TMPRSS7: variants seen among roughly 807,000 people sequenced by gnomAD.
The protein encoded by TMPRSS7 is transmembrane serine protease 7.
Under a neutral mutation model 95.6 loss-of-function variants are expected in TMPRSS7, and 81 were observed. The observed-to-expected ratio is 0.85, with a 90% CI of 0.71 to 1.02. TMPRSS7 has a LOEUF of 1.02. Ranked by LOEUF, TMPRSS7 falls within the 50% of genes least tolerant of loss-of-function variation. The pLI is 0.00. For missense variants in TMPRSS7, 945 were observed against 955.2 expected (o/e 0.99, Z 0.14); for synonymous variants, 364 against 337.8 (o/e 1.08, Z -0.85).
intron 9 of TMPRSS7, among the ~76,000 whole-genome samples, chr3:112,051,720 C>T (rs2073361743): frequency 1.4e-5 from 2 of 146,806 alleles, no homozygotes; most frequent in South Asian, 4.3e-4. Flanking sequence ...ATCTATCTCT[C>T]CCTCTGGTGC....
rs1475842653 is a variant in TMPRSS7, at chr3:112,043,166, G to A, written c.430-1089G>A. ...CATCATAGAGTGTGTGTACACATAC[G>A]TAGCTGGAATGGCCTACTACACACC... On this transcript the variant is annotated intron_variant, in intron 3 of 17. Coordinates refer to ENST00000452346, the Ensembl canonical transcript of TMPRSS7. 7 of 451,158 alleles carry A rather than the reference G, an allele frequency of 1.6e-5. No homozygotes were observed. In the East Asian group the frequency reaches 2.1e-4, roughly 13 times the overall value. 27.9% of individuals were successfully genotyped at this position (451,158 alleles called of 1,614,324 possible). A position where few individuals can be genotyped will look rare whatever the true frequency, so the allele number is the denominator to read the frequency against.
chr3:112,070,268 A>G (rs1391256803), intron 13 of TMPRSS7, among the ~76,000 whole-genome samples: 1 of 152,122 alleles, frequency 6.6e-6, no homozygotes, highest in Non-Finnish European at 1.5e-5. Flanking sequence ...TCAATTTTAG[A>G]TAAGTGTGAT....
chr3:112,075,053 G>C (rs2073694890), intron 14 of TMPRSS7, among the ~76,000 whole-genome samples: 1 of 152,194 alleles, frequency 6.6e-6, no homozygotes, highest in Admixed American at 6.5e-5. Flanking sequence ...ATAGGCAGCT[G>C]TTTGTGTCAG....
At chr3:112,072,380 T>G (rs757324527) in intron 13 of TMPRSS7, among the ~76,000 whole-genome samples, 1 of 152,242 alleles carries the variant, frequency 6.6e-6, no homozygotes, top group Non-Finnish European at 1.5e-5. Context: ...AGGTGTCTCT[T>G]GGCCCCTACT....
chr3:112,053,049 GTCC>G, intron 9 of TMPRSS7, among the ~76,000 whole-genome samples: 1 of 152,240 alleles, frequency 6.6e-6, no homozygotes, highest in Non-Finnish European at 1.5e-5. Context: ...GAGGAAGTTT[GTCC>G]TCCTCAGTGT....
chr3:112,037,329 A>T (rs1308204304), intron 1 of TMPRSS7, among the ~76,000 whole-genome samples: 1 of 152,208 alleles, frequency 6.6e-6, no homozygotes, highest in Non-Finnish European at 1.5e-5. Context: ...TGTCTGCCTT[A>T]TGCAGTTGCA....
At chr3:112,057,978 A>C (rs2073452435) in intron 10 of TMPRSS7, among the ~76,000 whole-genome samples, 1 of 152,088 alleles carries the variant, frequency 6.6e-6, no homozygotes, top group African/African-American at 2.4e-5. Flanking sequence ...CACCTTCCTA[A>C]GCCTCCCAAA....
chr3:112,074,265 G>A, intron 13 of TMPRSS7, 31 bp from the exon 14 acceptor site: 1 of 1,505,358 alleles, frequency 6.6e-7, no homozygotes, highest in Non-Finnish European at 9.2e-7. Flanking sequence ...TCTGGCTAAG[G>A]AAAGCTGTTT....
At chr3:112,067,335 G>A (rs2073589822) in intron 13 of TMPRSS7, among the ~76,000 whole-genome samples, 1 of 152,104 alleles carries the variant, frequency 6.6e-6, no homozygotes, top group Admixed American at 6.6e-5. Context: ...AATCCTTTAG[G>A]TATATACCCA....
At chr3:112,070,425 G>T (rs2073630608) in intron 13 of TMPRSS7, among the ~76,000 whole-genome samples, 1 of 152,134 alleles carries the variant, frequency 6.6e-6, no homozygotes, top group Admixed American at 6.5e-5. Context: ...TATTGACAGT[G>T]GGTGTTAAAG....
rs571698869 is a variant in TMPRSS7, at chr3:112,051,783, T to C, written c.1203+1000T>C. Among the ~76,000 whole-genome samples, 56 of 152,298 alleles carry C rather than the reference T, an allele frequency of 3.7e-4. 1 individual carries two copies. Among genetic ancestry groups the C allele is most frequent in the Admixed American group, 3.3e-4 (5 of 15,292 alleles). Reference sequence around the variant, plus strand: ...AAAAATCTTAGTAAACTGCTTTTTCTTTCTCCACCTATAATATCACATGGA... The same window carrying C: ...AAAAATCTTAGTAAACTGCTTTTTCCTTCTCCACCTATAATATCACATGGA... On this transcript the variant is annotated intron_variant, in intron 9 of 17. Transcript: ENST00000452346.
chr3:112,046,781 C>T (rs190785498), intron 5 of TMPRSS7, among the ~76,000 whole-genome samples, 193 bp from the exon 6 acceptor site: 3 of 152,276 alleles, frequency 2.0e-5, no homozygotes, highest in Admixed American at 2.0e-4. Flanking sequence ...CAACTACCAA[C>T]TCACTCATGA....
At chr3:112,069,440 G>C (rs1267330306) in intron 13 of TMPRSS7, among the ~76,000 whole-genome samples, 1 of 152,200 alleles carries the variant, frequency 6.6e-6, no homozygotes, top group East Asian at 1.9e-4. Flanking sequence ...ATTTGGCTGT[G>C]AATCTGTCTG....
At chr3:112,081,122 A>G (rs1380884777) in exon 18 of TMPRSS7, 1 of 1,566,590 alleles carries the variant, frequency 6.4e-7, no homozygotes, top group South Asian at 1.2e-5. Flanking sequence ...TTATGTTAAA[A>G]ATAGATACTT....
chr3:112,077,120 G>T lies in TMPRSS7; in HGVS notation c.2200G>T (p.Gly734Cys), dbSNP rs780225899. ...CAGTGGGGAGAAGTGCTGGGTAACT[G>T]GCTGGGGGCGAAGACACGAAGCAGG... The change falls in exon 16 of 18, where the codon GGC becomes TGC. Residue 734 changes from glycine (G) to cysteine (C), a missense_variant. Gly to Cys is a radical substitution (Grantham distance 159, BLOSUM62 -3). Coordinates refer to ENST00000452346, the Ensembl canonical transcript of TMPRSS7. 7.4e-6 allele frequency: 12 copies of T among 1,614,116 alleles called. No individual in the cohort carries two copies. In the South Asian group the frequency reaches 1.2e-4, roughly 16 times the overall value.
rs374342340 is a variant in TMPRSS7, at chr3:112,074,897, A to C, written c.1784-424A>C. ...ACCAATACTATTTACACTAGCAAAC[A>C]ATTGCTCTGATAACTAGTTTTCCCT... On this transcript the variant is annotated intron_variant, in intron 14 of 17. Coordinates refer to ENST00000452346, the Ensembl canonical transcript of TMPRSS7. Among the ~76,000 whole-genome samples the C allele has an allele frequency of 2.6e-5, 4 of 152,304 alleles. No homozygotes were observed. The East Asian group carries it at 5.8e-4, about 22-fold the overall frequency.
Position 112,080,904 on chromosome 3 carries a change from G to A in TMPRSS7, c.2362-10G>A. Reference sequence around the variant, plus strand: ...AATTTACTTTATACTTACATTTTTTGTGTGTGTAGGGAGATTCGGGTGGAC... The same window carrying A: ...AATTTACTTTATACTTACATTTTTTATGTGTGTAGGGAGATTCGGGTGGAC... On this transcript the variant is annotated splice_polypyrimidine_tract_variant and intron_variant, in intron 17 of 17. Coordinates refer to ENST00000452346, the Ensembl canonical transcript of TMPRSS7. 2 of 1,599,848 alleles carry A rather than the reference G, an allele frequency of 1.3e-6. No individual in the cohort carries two copies. Among genetic ancestry groups the A allele is most frequent in the South Asian group, 2.3e-5 (2 of 87,946 alleles).
Position 112,061,457 on chromosome 3 carries a change from C to A in TMPRSS7, c.1311-330C>A, listed in dbSNP as rs542354694. 3.6e-4 allele frequency among the ~76,000 whole-genome samples: 55 copies of A among 152,204 alleles called. No individual in the cohort carries two copies. In the South Asian group the frequency reaches 1.0e-2, roughly 28 times the overall value. ...AGAGCGGCTTGTTGACAAAAGCAGGCAATTCTTACATTACACAGGTTTTCA... is the reference window on the plus strand; with the variant it reads ...AGAGCGGCTTGTTGACAAAAGCAGGAAATTCTTACATTACACAGGTTTTCA... On this transcript the variant is annotated intron_variant, in intron 10 of 17. Transcript: ENST00000452346.
At position 112,070,353 on chromosome 3, in the gene TMPRSS7, T is replaced by C. The variant is rs149303155; in HGVS notation, c.1666+3851T>C. On this transcript the variant is annotated intron_variant, in intron 13 of 17. Transcript: ENST00000452346. The stretch of plus-strand genomic sequence containing the variant: ...GTAGATGTCTATTAGGTCCACTTGG[T>C]GCAGAGCTGAGTTCAAGTCCTGGAT... 5.9e-5 allele frequency among the ~76,000 whole-genome samples: 9 copies of C among 152,350 alleles called. No individual in the cohort carries two copies. The East Asian group carries it at 1.7e-3, about 29-fold the overall frequency.
Sources: allele counts gnomAD v4.1 joint callset (sites outside exome capture counted in the v4.1 genomes callset), GRCh38; gene constraint gnomAD v4.1.1; transcripts MANE v1.5; gene names NCBI Gene and HGNC (gene_info 2026-07-23, HGNC 2026-07-21).